Variants in AGAP1 observed in about 807,000 individuals in gnomAD.
AGAP1 encodes arf-GAP with GTPase, ANK repeat and PH domain-containing protein 1.
In AGAP1, 29 loss-of-function variants were observed where a neutral mutation model predicts 105.3. The observed-to-expected ratio is 0.28, with a 90% CI of 0.21 to 0.38. The LOEUF (loss-of-function observed/expected upper bound fraction) is 0.38, where lower values mean the gene tolerates loss of function less well. Ranked by LOEUF, AGAP1 falls within the 10% of genes least tolerant of loss-of-function variation. The pLI, the probability that AGAP1 is intolerant of heterozygous loss-of-function variation, is 1.00. For missense variants in AGAP1, 998 were observed against 1,165.1 expected (o/e 0.86, Z 2.09); for synonymous variants, 509 against 485.9 (o/e 1.05, Z -0.63).
rs1425954217 is a variant in AGAP1, at chr2:235,982,266, CT to C, written c.1645+13647del. Among the ~76,000 whole-genome samples the C allele has an allele frequency of 6.6e-6, 1 of 152,174 alleles. No homozygotes were observed. The highest frequency in any genetic ancestry group is 1.5e-5 in the Non-Finnish European group (1 of 68,028). ...AAGAGTCAGTAAACATGCAGAAACA[CT>C]TTTAGCTGTGAATGCAGAGTAACTC... On this transcript the variant is annotated intron_variant, in intron 13 of 17. Transcript: ENST00000304032. The surrounding 1 kb of genome is among the most constrained non-coding windows in gnomAD (Gnocchi z 4.9).
intron 9 of AGAP1, among the ~76,000 whole-genome samples, chr2:235,827,369 G>A (rs1959128862): frequency 1.3e-5 from 2 of 152,160 alleles, no homozygotes; most frequent in African/African-American, 4.8e-5. Context: ...CGTGGCTGAA[G>A]GGCTTGGAGC....
In AGAP1 at chr2:235,777,037, G is replaced by A. The variant is rs140526480; in HGVS notation, c.674-20722G>A. ...GCGTCTGCTCTTGAGAGGCCAGGCT[G>A]GATCCTGCAGAGAAACGAGGAAGTA... On this transcript the variant is annotated intron_variant, in intron 6 of 17. Coordinates refer to ENST00000304032, the MANE Select transcript of AGAP1 (RefSeq NM_001037131.3). The surrounding 1 kb of genome is among the most constrained non-coding windows in gnomAD (Gnocchi z 5.1). 9.4e-4 allele frequency: 441 copies of A among 471,172 alleles called. 1 individual carries two copies. The highest frequency in any genetic ancestry group is 7.9e-3 in the African/African-American group (396 of 50,194). 29.2% of individuals were successfully genotyped at this position (471,172 alleles called of 1,614,324 possible). A position where few individuals can be genotyped will look rare whatever the true frequency, so the allele number is the denominator to read the frequency against.
intron 9 of AGAP1, among the ~76,000 whole-genome samples, chr2:235,817,848 A>AC (rs1488900409): frequency 6.6e-6 from 1 of 152,150 alleles, no homozygotes; most frequent in African/African-American, 2.4e-5. Context: ...CTGCGATCGC[A>AC]CCACTGCACT....
chr2:236,093,139 A>C (rs1255908054), intron 16 of AGAP1, among the ~76,000 whole-genome samples: 1 of 152,268 alleles, frequency 6.6e-6, no homozygotes, highest in African/African-American at 2.4e-5. Flanking sequence ...TCTATCCCGC[A>C]ACCAAAAACG....
In AGAP1 at chr2:235,893,097, C is replaced by T. The variant is rs1217357518; in HGVS notation, c.1155+9648C>T. On this transcript the variant is annotated intron_variant, in intron 10 of 17. Coordinates refer to ENST00000304032, the MANE Select transcript of AGAP1 (RefSeq NM_001037131.3). The surrounding 1 kb of genome is among the most constrained non-coding windows in gnomAD (Gnocchi z 4.7). ...CCTTTCATGTGCTGTGTCTGTGGTG[C>T]GGGTGTGCTGTGTCCTCATAAGGGT... Among the ~76,000 whole-genome samples, 18 of 151,974 alleles carry T rather than the reference C, an allele frequency of 1.2e-4. No homozygotes were observed. The highest frequency in any genetic ancestry group is 2.4e-4 in the Non-Finnish European group (16 of 67,972).
chr2:235,908,553 A>G lies in AGAP1; in HGVS notation c.1156-185A>G, dbSNP rs1219342053. 6.6e-6 allele frequency among the ~76,000 whole-genome samples: 1 copy of G among 152,164 alleles called. No individual in the cohort carries two copies. Among genetic ancestry groups the G allele is most frequent in the African/African-American group, 2.4e-5 (1 of 41,450 alleles). ...TTCAGGACACAGAAGCAAAACTCTG[A>G]TTTAAATATAATAATGATGTTACCA... On this transcript the variant is annotated intron_variant, in intron 10 of 17. Transcript: ENST00000304032. The surrounding 1 kb of genome is among the most constrained non-coding windows in gnomAD (Gnocchi z 4.4).
intron 13 of AGAP1, among the ~76,000 whole-genome samples, chr2:236,030,988 A>C (rs897320656): frequency 6.6e-6 from 1 of 152,218 alleles, no homozygotes; most frequent in African/African-American, 2.4e-5. Flanking sequence ...TTAGAATAGC[A>C]TTGTAATCAT....
Position 235,851,940 on chromosome 2 carries a change from T to C in AGAP1, c.1051-31405T>C, listed in dbSNP as rs141238188. Reference sequence around the variant, plus strand: ...CCTCCCAGCTTATTAAAAGAACTTATAGACATGAAAATACATTAAAGTGGG... The same window carrying C: ...CCTCCCAGCTTATTAAAAGAACTTACAGACATGAAAATACATTAAAGTGGG... On this transcript the variant is annotated intron_variant, in intron 9 of 17. Coordinates refer to ENST00000304032, the MANE Select transcript of AGAP1 (RefSeq NM_001037131.3). Among the ~76,000 whole-genome samples, 29 of 152,184 alleles carry C rather than the reference T, an allele frequency of 1.9e-4. No individual in the cohort carries two copies. In the East Asian group the frequency reaches 3.9e-3, roughly 20 times the overall value.
chr2:236,089,333 G>A lies in AGAP1; in HGVS notation c.2115-30859G>A, dbSNP rs182335712. ...ATTGCTACATATTCCTTGCTCTTCCGTAAAGGACACATGTGTCTCTGTGCC... is the reference window on the plus strand; with the variant it reads ...ATTGCTACATATTCCTTGCTCTTCCATAAAGGACACATGTGTCTCTGTGCC... On this transcript the variant is annotated intron_variant, in intron 16 of 17. Transcript: ENST00000304032. The surrounding 1 kb of genome is among the most constrained non-coding windows in gnomAD (Gnocchi z 5.6). Among the ~76,000 whole-genome samples, 4 of 152,320 alleles carry A rather than the reference G, an allele frequency of 2.6e-5. No individual in the cohort carries two copies. The highest frequency in any genetic ancestry group is 6.5e-5 in the Admixed American group (1 of 15,300).
At chr2:236,099,628 A>G (rs1250690545) in intron 16 of AGAP1, among the ~76,000 whole-genome samples, 1 of 152,106 alleles carries the variant, frequency 6.6e-6, no homozygotes, top group Non-Finnish European at 1.5e-5. Flanking sequence ...GAACCTCACT[A>G]TATGGTTTTT....
intron 6 of AGAP1, among the ~76,000 whole-genome samples, chr2:235,756,053 TGGGA>T (rs1451577100): frequency 3.3e-5 from 5 of 152,182 alleles, no homozygotes; most frequent in African/African-American, 1.2e-4. Flanking sequence ...ACGTGCACCT[TGGGA>T]GGAAGAGAGT....
chr2:236,046,149 G>C lies in AGAP1; in HGVS notation c.1892-2910G>C. 1 of 408,968 alleles carries C rather than the reference G, an allele frequency of 2.4e-6. No individual in the cohort carries two copies. Among genetic ancestry groups the C allele is most frequent in the Non-Finnish European group, 5.2e-6 (1 of 193,942 alleles). The allele number at this position is 408,968 out of a possible 1,614,324, so 25.3% of individuals were successfully genotyped here. A position where few individuals can be genotyped will look rare whatever the true frequency, so the allele number is the denominator to read the frequency against. ...GCATAGGAACCAAATCGGAGGTTCT[G>C]GTAAGAGCTTAGGCAAGTGGCTATG... On this transcript the variant is annotated intron_variant, in intron 15 of 17. Transcript: ENST00000304032. This position sits in a 1 kb window ranked among gnomAD's most constrained non-coding sequence, Gnocchi z 5.2.
chr2:235,768,378 A>G (rs1955149163), intron 6 of AGAP1, among the ~76,000 whole-genome samples: 1 of 152,262 alleles, frequency 6.6e-6, no homozygotes, highest in South Asian at 2.1e-4. Flanking sequence ...GAATATGTAC[A>G]AATTGAATGT....
chr2:235,589,499 G>A (rs916587749), intron 1 of AGAP1, among the ~76,000 whole-genome samples: 2 of 151,962 alleles, frequency 1.3e-5, no homozygotes, highest in South Asian at 2.1e-4. Context: ...GAGCCACCGC[G>A]CCAGTGCTGG....
rs942767664 is a variant in AGAP1, at chr2:235,712,570, T to G, written c.222+3333T>G. ...ATTTTTACTAAAAGCCTTGATTTCC[T>G]TTTCAGCAAACCTCAGGGTTAGTGT... On this transcript the variant is annotated intron_variant, in intron 2 of 17. Transcript: ENST00000304032. This position sits in a 1 kb window ranked among gnomAD's most constrained non-coding sequence, Gnocchi z 6.0. Among the ~76,000 whole-genome samples, 2 of 152,228 alleles carry G rather than the reference T, an allele frequency of 1.3e-5. No individual in the cohort carries two copies. Among genetic ancestry groups the G allele is most frequent in the Admixed American group, 1.3e-4 (2 of 15,286 alleles).
intron 12 of AGAP1, among the ~76,000 whole-genome samples, chr2:235,945,158 T>G (rs540264626): frequency 1.3e-5 from 2 of 152,250 alleles, no homozygotes; most frequent in Non-Finnish European, 2.9e-5. Context: ...TGGAGTGCAG[T>G]GGCGCGATCT....
intron 9 of AGAP1, among the ~76,000 whole-genome samples, chr2:235,833,077 A>G (rs919619242): frequency 6.7e-6 from 1 of 148,376 alleles, no homozygotes; most frequent in Non-Finnish European, 1.5e-5. Context: ...GCCAGGGAGC[A>G]TGGTAGAAGA....
intron 16 of AGAP1, among the ~76,000 whole-genome samples, chr2:236,057,001 A>G (rs573195056): frequency 3.9e-5 from 6 of 152,356 alleles, no homozygotes; most frequent in African/African-American, 1.2e-4. Flanking sequence ...TTACTAAATG[A>G]GTAGTGCAAA....
At chr2:236,015,634 C>G (rs1342141972) in intron 13 of AGAP1, among the ~76,000 whole-genome samples, 2 of 152,046 alleles carry the variant, frequency 1.3e-5, no homozygotes, top group Non-Finnish European at 2.9e-5. Context: ...ACCATCAGCC[C>G]AAGCGCACAT....
Sources: allele counts gnomAD v4.1 joint callset (sites outside exome capture counted in the v4.1 genomes callset), GRCh38; gene constraint gnomAD v4.1.1; non-coding constraint Gnocchi (gnomAD v3.1); transcripts MANE v1.5; gene names NCBI Gene and HGNC (gene_info 2026-07-23, HGNC 2026-07-21).